ADGB: variants seen among roughly 807,000 people sequenced by gnomAD.
ADGB encodes the protein androglobin.
A neutral mutation model predicts 210.5 loss-of-function variants in ADGB; 172 were observed. That is an observed-to-expected ratio of 0.82 (90% CI 0.72 to 0.93). The LOEUF (loss-of-function observed/expected upper bound fraction) is 0.93. ADGB is among the 40% of genes least tolerant of loss of function. The pLI is 0.00. For synonymous variants in ADGB, 658 were observed against 662.7 expected (o/e 0.99, Z 0.11); for missense variants, 2,025 against 1,964.8 (o/e 1.03, Z -0.58).
At chr6:146,798,452 A>C (rs928539905) in intron 33 of ADGB, among the ~76,000 whole-genome samples, 6 of 152,158 alleles carry the variant, frequency 3.9e-5, no homozygotes, top group African/African-American at 1.4e-4. Flanking sequence ...GTTATGAAAA[A>C]CCTACGGTAA....
chr6:146,757,845 T>G (rs754636960), intron 27 of ADGB, among the ~76,000 whole-genome samples: 2 of 152,034 alleles, frequency 1.3e-5, no homozygotes, highest in Non-Finnish European at 2.9e-5. Flanking sequence ...CTATTAACCT[T>G]GGAAATAACG....
chr6:146,746,043 G>A lies in ADGB; in HGVS notation c.3299G>A (p.Cys1100Tyr), dbSNP rs1393416677. The A allele has an allele frequency of 2.6e-6, 4 of 1,550,950 alleles. No homozygotes were observed. Among genetic ancestry groups the A allele is most frequent in the East Asian group, 2.4e-5 (1 of 40,898 alleles). Residue 1100 changes from cysteine to tyrosine, a missense_variant, in exon 26 of 36, where the codon TGC becomes TAC. Transcript: ENST00000397944. ...PLPCLSRDSP[C>Y]NSFAIKEIRD... The stretch of plus-strand genomic sequence containing the variant: ...CCATGCCTCTCTCGAGACTCTCCAT[G>A]CAATTCCTTTGCCATAAAGGAAATC...
In ADGB at chr6:146,623,157, C is replaced by T. The variant is rs140264181; in HGVS notation, c.75-12218C>T. ...CTGTTACAAAGTTGTTTTGCCTATT[C>T]TATTTTCCGTTTGGGTCCATATGAG... On this transcript the variant is annotated intron_variant, in intron 1 of 35. Transcript: ENST00000397944. Among the ~76,000 whole-genome samples, 688 of 151,906 alleles carry T rather than the reference C, an allele frequency of 4.5e-3. 6 individuals carry two copies. The highest frequency in any genetic ancestry group is 6.8e-3 in the Non-Finnish European group (458 of 67,794).
chr6:146,771,461 G>A lies in ADGB; in HGVS notation c.3862+2330G>A, dbSNP rs569629047. Among the ~76,000 whole-genome samples the A allele has an allele frequency of 1.4e-4, 21 of 151,998 alleles. No homozygotes were observed. In the South Asian group the frequency reaches 4.4e-3, roughly 32 times the overall value. ...TTTCTCTATATGTTTTTCCCGTCAGGTTGCCACTTTTGTTCTCGCTTAAAG... is the reference window on the plus strand; with the variant it reads ...TTTCTCTATATGTTTTTCCCGTCAGATTGCCACTTTTGTTCTCGCTTAAAG... On this transcript the variant is annotated intron_variant, in intron 29 of 35. Coordinates refer to ENST00000397944, the MANE Select transcript of ADGB (RefSeq NM_024694.4).
chr6:146,747,247 C>T (rs542922240), intron 26 of ADGB, among the ~76,000 whole-genome samples: 1 of 152,138 alleles, frequency 6.6e-6, no homozygotes, highest in Non-Finnish European at 1.5e-5. Flanking sequence ...CTTCTCTGCA[C>T]AGAAAATTTG....
At chr6:146,772,350 T>C (rs927974754) in intron 29 of ADGB, among the ~76,000 whole-genome samples, 2 of 150,324 alleles carry the variant, frequency 1.3e-5, no homozygotes, top group Non-Finnish European at 3.0e-5. Flanking sequence ...TAAAGTAAAC[T>C]AATGTCTAAT....
chr6:146,648,739 C>A (rs368820933), intron 3 of ADGB, among the ~76,000 whole-genome samples: 10 of 151,880 alleles, frequency 6.6e-5, no homozygotes, highest in African/African-American at 2.4e-4. Context: ...CCATATAAGC[C>A]ACCTTTTTAA....
chr6:146,711,269 A>G (rs1456187132), intron 13 of ADGB, among the ~76,000 whole-genome samples: 4 of 152,236 alleles, frequency 2.6e-5, no homozygotes, highest in Non-Finnish European at 5.9e-5. Flanking sequence ...AAGCATTAGT[A>G]GGTCTTTCCA....
At position 146,644,776 on chromosome 6, in the gene ADGB, T is replaced by G. The variant is rs1775581972; in HGVS notation, c.241T>G (p.Phe81Val). 6.9e-7 allele frequency: 1 copy of G among 1,452,856 alleles called. No homozygotes were observed. The highest frequency in any genetic ancestry group is 1.5e-5 in the South Asian group (1 of 65,894). The allele number at this position is 1,452,856 out of a possible 1,614,324, so 90.0% of individuals were successfully genotyped here. A position where few individuals can be genotyped will look rare whatever the true frequency, so the allele number is the denominator to read the frequency against. ...DKTGKSPVFH[F>V]FEDPEGKIEL... Reference sequence around the variant, plus strand: ...AACTCAATTTATTTTTATATAGCATTTTTTTGAGGACCCTGAAGGAAAGAT... The same window carrying G: ...AACTCAATTTATTTTTATATAGCATGTTTTTGAGGACCCTGAAGGAAAGAT... Residue 81 changes from phenylalanine (F) to valine (V), a missense_variant, in exon 3 of 36, where the codon TTT (phenylalanine) becomes GTT (valine). Coordinates refer to ENST00000397944, the MANE Select transcript of ADGB (RefSeq NM_024694.4).
At position 146,672,012 on chromosome 6, in the gene ADGB, T is replaced by C. The variant is rs571363181; in HGVS notation, c.840-208T>C. On this transcript the variant is annotated intron_variant, in intron 7 of 35. Coordinates refer to ENST00000397944, the MANE Select transcript of ADGB (RefSeq NM_024694.4). ...TAACACCATGGTTTTGGTCGCTTTG[T>C]ATCAGCAAAGCCCAGCACACAGTAG... 5.9e-5 allele frequency among the ~76,000 whole-genome samples: 9 copies of C among 152,300 alleles called. No individual in the cohort carries two copies. The South Asian group carries it at 1.7e-3, about 28-fold the overall frequency.
chr6:146,776,161 T>G (rs975189200), intron 29 of ADGB, among the ~76,000 whole-genome samples: 1 of 152,172 alleles, frequency 6.6e-6, no homozygotes, highest in African/African-American at 2.4e-5. Flanking sequence ...GCACTTCCTC[T>G]CTTCCAGGGG....
intron 26 of ADGB, among the ~76,000 whole-genome samples, chr6:146,750,554 A>C (rs189727085): frequency 1.2e-3 from 177 of 152,160 alleles, no homozygotes; most frequent in African/African-American, 4.0e-3. Context: ...CCATATATAT[A>C]GAGAGAAAAA....
chr6:146,692,727 G>A (rs1776347759), intron 11 of ADGB, 98 bp from the exon 12 acceptor site: 1 of 531,774 alleles, frequency 1.9e-6, no homozygotes, highest in Non-Finnish European at 3.2e-6. Flanking sequence ...TGAGTAAATA[G>A]TTAATCTATC....
intron 3 of ADGB, among the ~76,000 whole-genome samples, 179 bp from the exon 4 acceptor site, chr6:146,653,956 T>C (rs1484641734): frequency 1.3e-5 from 2 of 152,134 alleles, no homozygotes; most frequent in Non-Finnish European, 2.9e-5. Flanking sequence ...TGTTCCATTA[T>C]TGGAACGCTA....
rs1175357028 is a variant in ADGB, at chr6:146,717,011, A to C, written c.1870A>C (p.Asn624His). Residue 624 changes from asparagine to histidine, a missense_variant, in exon 15 of 36, where the codon AAT (asparagine) becomes CAT (histidine). By Grantham distance (68) the Asn-to-His change is moderately conservative (BLOSUM62 1). Coordinates refer to ENST00000397944, the MANE Select transcript of ADGB (RefSeq NM_024694.4). ...GTCACAGGAAGAACTTCCAACAACAAATAATAGTGTTTCTAAAGAAATATG... is the reference window on the plus strand; with the variant it reads ...GTCACAGGAAGAACTTCCAACAACACATAATAGTGTTTCTAAAGAAATATG... ...EKSQEELPTTNNSVSKEIWLD... is the reference protein window; with the variant it reads ...EKSQEELPTTHNSVSKEIWLD... The C allele has an allele frequency of 7.7e-6, 12 of 1,551,624 alleles. No homozygotes were observed. The highest frequency in any genetic ancestry group is 1.0e-5 in the Non-Finnish European group (12 of 1,146,936).
rs553287768 is a variant in ADGB, at chr6:146,662,476, T to A, written c.613-1725T>A. 1.1e-4 allele frequency among the ~76,000 whole-genome samples: 16 copies of A among 152,248 alleles called. No homozygotes were observed. The South Asian group carries it at 3.3e-3, about 32-fold the overall frequency. On this transcript the variant is annotated intron_variant, in intron 5 of 35. Coordinates refer to ENST00000397944, the MANE Select transcript of ADGB (RefSeq NM_024694.4). ...CTTAAAATTTCTATTTTTATGCCTT[T>A]ATATCTTCCATTTCTTTGCTGAGAG...
rs887513469 is a variant in ADGB at position 146,716,891 on chromosome 6, G to A, written c.1750G>A (p.Glu584Lys). Residue 584 changes from glutamate to lysine, a missense_variant, in exon 15 of 36, where the codon GAA becomes AAA. Transcript: ENST00000397944. ...ACATGTGTGTCTTCTAGGCACAGAT[G>A]AACAAACAGACTTTGGATTGGGTGA... is the stretch of plus-strand genomic sequence containing the variant. ...SQVILGKGTDEQTDFGLGDAH... is the reference protein window; with the variant it reads ...SQVILGKGTDKQTDFGLGDAH... The A allele has an allele frequency of 1.3e-6, 2 of 1,548,042 alleles. No homozygotes were observed. Among genetic ancestry groups the A allele is most frequent in the South Asian group, 2.4e-5 (2 of 83,302 alleles).
intron 27 of ADGB, among the ~76,000 whole-genome samples, chr6:146,761,691 G>A (rs1177135159): frequency 6.6e-6 from 1 of 151,844 alleles, no homozygotes; most frequent in African/African-American, 2.4e-5. Context: ...GCTCTACCTA[G>A]GACTAAAAAT....
intron 33 of ADGB, among the ~76,000 whole-genome samples, chr6:146,795,856 A>C (rs1481285062): frequency 1.3e-5 from 2 of 152,184 alleles, no homozygotes; most frequent in Non-Finnish European, 1.5e-5. Context: ...AATGCCCATC[A>C]GTGACAGATG....
Sources: gnomAD v4.1 joint callset for allele counts (sites outside exome capture counted in the v4.1 genomes callset) on GRCh38, gnomAD v4.1.1 for gene constraint, MANE v1.5 for transcripts, NCBI Gene and HGNC (gene_info 2026-07-23, HGNC 2026-07-21) for gene names.